TFPT: variants seen among roughly 807,000 people sequenced by gnomAD.
TFPT encodes the protein INO80 complex subunit F.
A neutral mutation model predicts 28.8 loss-of-function variants in TFPT; 27 were observed. The observed-to-expected ratio is 0.94, with a 90% CI of 0.69 to 1.29. The LOEUF is 1.29. Among genes scored for constraint, TFPT ranks in the 50% most tolerant of loss-of-function variants. The pLI, the probability that TFPT is intolerant of heterozygous loss-of-function variation, is 0.00. For missense variants in TFPT, 330 were observed against 338.0 expected, an observed-to-expected ratio of 0.98 and a Z score of 0.19; for synonymous variants, 152 against 142.8, an observed-to-expected ratio of 1.06 and a Z score of -0.46.
chr19:54,108,555 T>G, intron 3 of TFPT, 160 bp from the exon 4 acceptor site: 1 of 1,604,488 alleles, frequency 6.2e-7, no homozygotes, highest in Non-Finnish European at 8.5e-7. Context: ...AGCCATGCCC[T>G]TGACCAGCCT....
In TFPT at chr19:54,107,053, G is replaced by C. The variant is rs769926922; in HGVS notation, c.759C>G (p.Asp253Glu). ...PYPTLASPAS[D>E] ...GGGTCAGTTTATTGGGCATGCGTCA[G>C]TCAGAGGCTGGGCTGGCCAGGGTCG... The change falls in exon 6 of 6, where the codon GAC becomes GAG. Residue 253 changes from aspartate to glutamate, a missense_variant. Asp to Glu is a conservative substitution (Grantham distance 45). Transcript: ENST00000391759. 6.2e-7 allele frequency: 1 copy of C among 1,613,638 alleles called. No individual in the cohort carries two copies. Among genetic ancestry groups the C allele is most frequent in the Non-Finnish European group, 8.5e-7 (1 of 1,179,890 alleles).
At chr19:54,110,181 G>C (rs1294233777) in intron 2 of TFPT, 60 bp from the exon 3 acceptor site, 3 of 1,573,038 alleles carry the variant, frequency 1.9e-6, no homozygotes, top group African/African-American at 1.4e-5. Flanking sequence ...TTGTTTAACG[G>C]ATGTTTAATG....
rs2073585527 is a variant in TFPT at position 54,115,124 on chromosome 19, T to C, written c.23+123A>G. On this transcript the variant is annotated intron_variant, in intron 1 of 5. Coordinates refer to ENST00000391759, the MANE Select transcript of TFPT (RefSeq NM_013342.4). Reference sequence around the variant, plus strand: ...CCCAGTCCATAAAAGGGTTCTAAGGTAAAGCAGTTGCATGAACTACAACCC... The same window carrying C: ...CCCAGTCCATAAAAGGGTTCTAAGGCAAAGCAGTTGCATGAACTACAACCC... The C allele has an allele frequency of 2.1e-6, 3 of 1,458,144 alleles. No individual in the cohort carries two copies. The African/African-American group carries it at 4.2e-5, about 20-fold the overall frequency. 90.3% of individuals were successfully genotyped at this position (1,458,144 alleles called of 1,614,324 possible). A position where few individuals can be genotyped will look rare whatever the true frequency, so the allele number is the denominator to read the frequency against.
At chr19:54,110,815 C>A (rs2073432607) in intron 2 of TFPT, among the ~76,000 whole-genome samples, 1 of 152,148 alleles carries the variant, frequency 6.6e-6, no homozygotes, top group Non-Finnish European at 1.5e-5. Context: ...AGGACGCAGC[C>A]TCTCCGCCTC....
chr19:54,114,741 C>G (rs768567332), intron 1 of TFPT, 41 bp from the exon 2 acceptor site: 1 of 1,574,926 alleles, frequency 6.3e-7, no homozygotes, highest in South Asian at 1.1e-5. Context: ...GGATCCTGGA[C>G]CCCCAGCCCC....
chr19:54,114,122 G>A (rs1004393522), intron 2 of TFPT, among the ~76,000 whole-genome samples: 10 of 152,190 alleles, frequency 6.6e-5, no homozygotes, highest in Admixed American at 3.3e-4. Context: ...AATGAGTCGA[G>A]AGGAGTGAAT....
intron 2 of TFPT, among the ~76,000 whole-genome samples, chr19:54,113,873 A>G (rs1292317416): frequency 4.6e-5 from 7 of 152,068 alleles, no homozygotes; most frequent in Non-Finnish European, 4.4e-5. Context: ...TTTGTATTTT[A>G]GTAGAGATGG....
At chr19:54,108,710 T>C in intron 3 of TFPT, 4 of 985,154 alleles carry the variant, frequency 4.1e-6, no homozygotes, top group Non-Finnish European at 5.8e-6. Context: ...ATGTCAGCAC[T>C]TAGTAAACAT....
intron 5 of TFPT, chr19:54,107,563 T>C (rs587678746): frequency 4.5e-5 from 13 of 289,848 alleles, no homozygotes; most frequent in African/African-American, 2.9e-4. Context: ...TCACAGTTCT[T>C]GTCTGCCCAG....
intron 3 of TFPT, among the ~76,000 whole-genome samples, chr19:54,109,532 G>A (rs1218229467): frequency 3.9e-5 from 6 of 152,066 alleles, no homozygotes; most frequent in Admixed American, 6.5e-5. Flanking sequence ...GGGACACTGC[G>A]AGTGGCAGGG....
intron 3 of TFPT, chr19:54,108,614 C>A (rs982287998): frequency 6.6e-7 from 1 of 1,525,408 alleles, no homozygotes; most frequent in Non-Finnish European, 8.8e-7. Flanking sequence ...GAGTTTCCTG[C>A]TCTGCAAACG....
At chr19:54,110,688 C>T (rs767232010) in intron 2 of TFPT, among the ~76,000 whole-genome samples, 5 of 151,668 alleles carry the variant, frequency 3.3e-5, no homozygotes, top group Admixed American at 6.6e-5. Context: ...GGCAACAGAG[C>T]GAGGTTCTGT....
intron 2 of TFPT, among the ~76,000 whole-genome samples, chr19:54,111,400 G>A (rs963104608): frequency 1.3e-4 from 20 of 151,492 alleles, no homozygotes; most frequent in African/African-American, 3.6e-4. Flanking sequence ...AAAATTGGCC[G>A]GATGTTGTGG....
rs2073605780 is a variant in TFPT at position 54,115,608 on chromosome 19, T to C, written c.-339A>G. On this transcript the variant is annotated 5_prime_UTR_variant, in exon 1 of 6. Coordinates refer to ENST00000391759, the MANE Select transcript of TFPT (RefSeq NM_013342.4). ...CGGTCCACAGCGGGACGTGAGTCCC[T>C]TTCCTCCTCGCGGCTTACCGCCTCT... The C allele has an allele frequency of 6.7e-6, 3 of 448,644 alleles. No individual in the cohort carries two copies. Among genetic ancestry groups the C allele is most frequent in the East Asian group, 3.6e-5 (1 of 27,898 alleles). 27.8% of individuals were successfully genotyped at this position (448,644 alleles called of 1,614,324 possible). A position where few individuals can be genotyped will look rare whatever the true frequency, so the allele number is the denominator to read the frequency against.
intron 2 of TFPT, 29 bp downstream of exon 2, chr19:54,114,413 C>A: frequency 6.3e-7 from 1 of 1,595,016 alleles, no homozygotes. Flanking sequence ...CCAGGGGACC[C>A]CAAAACCGGG....
intron 5 of TFPT, chr19:54,107,676 G>T (rs66506016): frequency 0.021 from 7,166 of 335,028 alleles, 114 homozygotes; most frequent in Non-Finnish European, 0.025. Flanking sequence ...CTTCCACTCC[G>T]TCTTCTCTGA....
chr19:54,107,855 TCTC>T (rs2073316340), intron 5 of TFPT, among the ~76,000 whole-genome samples, 168 bp downstream of exon 5: 3 of 152,104 alleles, frequency 2.0e-5, no homozygotes, highest in Admixed American at 2.0e-4. Flanking sequence ...TCACCTCCCT[TCTC>T]CAACTTTCCC....
Position 54,108,319 on chromosome 19 carries a change from C to G in TFPT, c.423+7G>C, listed in dbSNP as rs587670814. ...GTTCCTGACCCTCCTGGAGGCCCAA[C>G]ACTCACCTCCAGCACAATGGTGAAC... On this transcript the variant is annotated splice_region_variant and intron_variant, in intron 4 of 5. Coordinates refer to ENST00000391759, the MANE Select transcript of TFPT (RefSeq NM_013342.4). 2.5e-6 allele frequency: 4 copies of G among 1,598,214 alleles called. No individual in the cohort carries two copies. The South Asian group carries it at 4.5e-5, about 18-fold the overall frequency.
chr19:54,112,172 A>G (rs587631581), intron 2 of TFPT, among the ~76,000 whole-genome samples: 40 of 151,380 alleles, frequency 2.6e-4, no homozygotes, highest in African/African-American at 9.2e-4. Context: ...TGAGATTGCT[A>G]GAGTCCAGGA....
Sources: allele counts gnomAD v4.1 joint callset (sites outside exome capture counted in the v4.1 genomes callset), GRCh38; gene constraint gnomAD v4.1.1; transcripts MANE v1.5; gene names NCBI Gene and HGNC (gene_info 2026-07-23, HGNC 2026-07-21).